Variants in SH3TC2 observed in about 807,000 individuals in gnomAD.
SH3TC2 encodes SH3 domain and tetratricopeptide repeats 2.
Under a neutral mutation model 124.5 loss-of-function variants are expected in SH3TC2, and 87 were observed. That is an observed-to-expected ratio of 0.70 (90% CI 0.59 to 0.84). The LOEUF (loss-of-function observed/expected upper bound fraction) is 0.84, where lower values mean the gene tolerates loss of function less well. Among genes scored for constraint, SH3TC2 ranks in the 40% least tolerant of loss-of-function variants. The probability of loss-of-function intolerance (pLI) is 0.00; values close to 1 mark genes in which losing one functional copy is unlikely to be tolerated. For missense variants in SH3TC2, 1,536 were observed against 1,566.4 expected (o/e 0.98, Z 0.33); for synonymous variants, 634 against 628.5 (o/e 1.01, Z -0.13).
intron 9 of SH3TC2, 106 bp from the exon 10 acceptor site, chr5:149,028,824 C>G: frequency 1.8e-6 from 2 of 1,114,534 alleles, no homozygotes; most frequent in South Asian, 2.5e-5. Context: ...CCTTGGCATT[C>G]AAGACCTTCA....
At chr5:149,048,038 G>A in intron 2 of SH3TC2, 49 bp from the exon 3 acceptor site, 1 of 1,610,646 alleles carries the variant, frequency 6.2e-7, no homozygotes, top group Non-Finnish European at 8.5e-7. Flanking sequence ...AGAATAAAAA[G>A]GAAGAAAGAG....
chr5:149,028,910 T>G (rs1754133329), intron 9 of SH3TC2, among the ~76,000 whole-genome samples, 192 bp from the exon 10 acceptor site: 3 of 151,962 alleles, frequency 2.0e-5, no homozygotes, highest in Non-Finnish European at 4.4e-5. Context: ...ATCATCTTGT[T>G]TAACCCATGC....
At position 148,994,697 on chromosome 5, in the gene SH3TC2, AGGATGGATGGATGGAT is replaced by A. The variant is rs201323132; in HGVS notation, c.*9998_*10013del. 4.1e-5 allele frequency among the ~76,000 whole-genome samples: 6 copies of A among 144,736 alleles called. No individual in the cohort carries two copies. In the East Asian group the frequency reaches 6.0e-4, roughly 15 times the overall value. The allele number at this position is 144,736 out of a possible 152,430, so 95.0% of individuals were successfully genotyped here. A position where few individuals can be genotyped will look rare whatever the true frequency, so the allele number is the denominator to read the frequency against. On this transcript the variant is annotated 3_prime_UTR_variant, in exon 17 of 17. Transcript: ENST00000515425. ...TTGGATAAATGAATGGATGGATGGA[AGGATGGATGGATGGAT>A]GGATGGATGGATGGATGGATGGATG...
rs148757553 is a variant in SH3TC2 at position 149,027,370 on chromosome 5, G to T, written c.2362C>A (p.Gln788Lys). Reference protein sequence around the residue: ...HYLSQALVLGQLLGEQESFES... With the variant: ...HYLSQALVLGKLLGEQESFES... ...AAGGATTCCTGCTCACCCAGCAGCT[G>T]CCCTAGCACCAAGGCCTGGCTCAGG... The change falls in exon 11 of 17, where the codon CAG becomes AAG. Residue 788 changes from glutamine to lysine, a missense_variant. This residue lies in a region of SH3TC2 where 1,102 missense variants were observed against 1,098.6 expected (regional missense o/e 1.00). Coordinates refer to ENST00000515425, the MANE Select transcript of SH3TC2 (RefSeq NM_024577.4). 5.6e-6 allele frequency: 9 copies of T among 1,613,972 alleles called. No individual in the cohort carries two copies. The highest frequency in any genetic ancestry group is 7.6e-6 in the Non-Finnish European group (9 of 1,180,014).
chr5:149,052,211 C>G lies in SH3TC2; in HGVS notation c.82G>C (p.Val28Leu), dbSNP rs1399431033. ...GKETPSKDPTVSSECIASSEY... is the reference protein window; with the variant it reads ...GKETPSKDPTLSSECIASSEY... ...GATGAGGCTATACACTCACTCGATACAGTTGGATCCTTGGAAGGAGTTTCT... is the reference window on the plus strand; with the variant it reads ...GATGAGGCTATACACTCACTCGATAGAGTTGGATCCTTGGAAGGAGTTTCT... Residue 28 changes from valine (V) to leucine (L), a missense_variant, in exon 2 of 17, where the codon GTA (valine) becomes CTA (leucine). Val to Leu is a conservative substitution (Grantham distance 32, BLOSUM62 1). Coordinates refer to ENST00000515425, the MANE Select transcript of SH3TC2 (RefSeq NM_024577.4). 4 of 1,613,116 alleles carry G rather than the reference C, an allele frequency of 2.5e-6. No individual in the cohort carries two copies. Among genetic ancestry groups the G allele is most frequent in the Non-Finnish European group, 3.4e-6 (4 of 1,179,298 alleles).
Position 148,996,434 on chromosome 5 carries a change from C to T in SH3TC2, c.*8277G>A, listed in dbSNP as rs147532508. On this transcript the variant is annotated 3_prime_UTR_variant, in exon 17 of 17. Transcript: ENST00000515425. ...ATCCTCCAAGTAATCTTTCTGTTTG[C>T]TATCCTTTCCCTCCACCCACTACAG... Among the ~76,000 whole-genome samples the T allele has an allele frequency of 3.5e-3, 532 of 152,262 alleles. 4 individuals carry two copies. The highest frequency in any genetic ancestry group is 0.012 in the African/African-American group (506 of 41,564).
At chr5:149,004,984 C>G (rs1306529630) in intron 16 of SH3TC2, 82 bp from the exon 17 acceptor site, 5 of 1,524,724 alleles carry the variant, frequency 3.3e-6, no homozygotes, top group Non-Finnish European at 3.6e-6. Flanking sequence ...GCTGGCCACT[C>G]TAGTTTTTTT....
chr5:149,008,666 G>T, intron 15 of SH3TC2, 185 bp downstream of exon 15: 1 of 734,146 alleles, frequency 1.4e-6, no homozygotes, highest in Non-Finnish European at 2.3e-6. Flanking sequence ...ATCCTGATTT[G>T]GTGATGACAA....
chr5:149,052,236 T>C lies in SH3TC2; in HGVS notation c.57A>G (p.Lys19=), dbSNP rs1754571406. The part of the protein sequence containing the change: ...RERSLTRGPG[K]ETPSKDPTVS... ...CAGTTGGATCCTTGGAAGGAGTTTC[T>C]TTACCTGGAGAAGATGAAATAAAAG... Residue 19 remains lysine, a synonymous_variant, in exon 2 of 17, where the codon AAA becomes AAG. Transcript: ENST00000515425. 6.2e-7 allele frequency: 1 copy of C among 1,604,862 alleles called. No homozygotes were observed.
chr5:149,032,108 T>C (rs547597765), intron 8 of SH3TC2, among the ~76,000 whole-genome samples: 22 of 152,300 alleles, frequency 1.4e-4, no homozygotes, highest in Admixed American at 1.3e-3. Context: ...TGTCCTTAGG[T>C]TACTTCAAGA....
rs1463815105 is a variant in SH3TC2 at position 149,052,065 on chromosome 5, C to G, written c.151+77G>C. 3.8e-6 allele frequency: 4 copies of G among 1,057,738 alleles called. No individual in the cohort carries two copies. In the African/African-American group the frequency reaches 6.3e-5, roughly 17 times the overall value. 65.5% of individuals were successfully genotyped at this position (1,057,738 alleles called of 1,614,324 possible). Reference sequence around the variant, plus strand: ...ATCAAGAGGGAAAGAGGGAGGGGCTCTTTAGATGGGAAAGATAAAGAGGTT... The same window carrying G: ...ATCAAGAGGGAAAGAGGGAGGGGCTGTTTAGATGGGAAAGATAAAGAGGTT... On this transcript the variant is annotated intron_variant, in intron 2 of 16. Transcript: ENST00000515425.
chr5:149,021,043 C>T (rs1247773703), intron 12 of SH3TC2, among the ~76,000 whole-genome samples: 1 of 152,084 alleles, frequency 6.6e-6, no homozygotes, highest in East Asian at 1.9e-4. Flanking sequence ...GGCCACCAAA[C>T]AAATCTCAGC....
At chr5:149,034,612 G>A (rs6873011) in intron 8 of SH3TC2, 33,063 of 225,636 alleles carry the variant, frequency 0.15, 2,865 homozygotes, top group South Asian at 0.27. Flanking sequence ...TTTCTCCTAC[G>A]CCTCCTTTCT....
Position 148,984,350 on chromosome 5 carries a change from C to A in SH3TC2, c.*20361G>T, listed in dbSNP as rs1037015186. Among the ~76,000 whole-genome samples the A allele has an allele frequency of 1.3e-5, 2 of 151,876 alleles. No homozygotes were observed. The highest frequency in any genetic ancestry group is 2.1e-4 in the South Asian group (1 of 4,818). On this transcript the variant is annotated 3_prime_UTR_variant, in exon 17 of 17. Transcript: ENST00000515425. ...TGAATTTTTCAGTTTATTCATTATA[C>A]ATTATAAATATATACAATTATTATT...
At chr5:149,014,312 C>T (rs1341234413) in intron 12 of SH3TC2, among the ~76,000 whole-genome samples, 1 of 152,174 alleles carries the variant, frequency 6.6e-6, no homozygotes, top group African/African-American at 2.4e-5. Context: ...CTCCTGCACA[C>T]CAAAGTTTGA....
intron 1 of SH3TC2, among the ~76,000 whole-genome samples, chr5:149,060,824 G>C (rs974292013): frequency 6.6e-6 from 1 of 152,176 alleles, no homozygotes; most frequent in African/African-American, 2.4e-5. Context: ...AAAGTTCCAT[G>C]GGATAAGTAC....
In SH3TC2 at chr5:148,997,596, C is replaced by T. The variant is rs183785722; in HGVS notation, c.*7115G>A. On this transcript the variant is annotated 3_prime_UTR_variant, in exon 17 of 17. Transcript: ENST00000515425. ...GTTGATTTCAGCCCAGTATTTCAGG[C>T]TGATGAAACAAGTTTTAATCTAATG... 3.3e-5 allele frequency among the ~76,000 whole-genome samples: 5 copies of T among 152,286 alleles called. No homozygotes were observed. The highest frequency in any genetic ancestry group is 9.6e-5 in the African/African-American group (4 of 41,556).
At chr5:149,029,573 G>A (rs1754147246) in intron 9 of SH3TC2, among the ~76,000 whole-genome samples, 1 of 152,062 alleles carries the variant, frequency 6.6e-6, no homozygotes, top group Admixed American at 6.5e-5. Flanking sequence ...AGGGGAGTGA[G>A]GGAGTGAGGG....
chr5:149,000,181 C>T lies in SH3TC2; in HGVS notation c.*4530G>A, dbSNP rs548060717. On this transcript the variant is annotated 3_prime_UTR_variant, in exon 17 of 17. Coordinates refer to ENST00000515425, the MANE Select transcript of SH3TC2 (RefSeq NM_024577.4). ...TACTGAATCATATTACATAATATAT[C>T]ATTTGCCCCTTTCCTGTCACCCAGC... is the stretch of plus-strand genomic sequence containing the variant. 7.2e-5 allele frequency among the ~76,000 whole-genome samples: 11 copies of T among 152,278 alleles called. No individual in the cohort carries two copies. The South Asian group carries it at 2.1e-3, about 29-fold the overall frequency.
Sources: gnomAD v4.1 joint callset for allele counts (sites outside exome capture counted in the v4.1 genomes callset) on GRCh38, gnomAD v4.1.1 for gene constraint, gnomAD v4.1.1 regional missense constraint, MANE v1.5 for transcripts, NCBI Gene and HGNC (gene_info 2026-07-23, HGNC 2026-07-21) for gene names.